Variants in TSC22D1 observed in about 807,000 individuals in gnomAD.
TSC22D1 encodes the protein TSC22 domain family member 1, also known as TSC22 domain family protein 1.
TSC22D1 carries 9 observed loss-of-function variants against 74.2 expected under a neutral mutation model. The observed-to-expected ratio is 0.12, with a 90% confidence interval of 0.07 to 0.21. The LOEUF (loss-of-function observed/expected upper bound fraction) is 0.21. Ranked by LOEUF, TSC22D1 falls within the 10% of genes least tolerant of loss-of-function variation. TSC22D1 has a pLI of 1.00. For synonymous variants in TSC22D1, 586 were observed against 492.5 expected, an observed-to-expected ratio of 1.19 and a Z score of -2.51; for missense variants, 1,427 against 1,304.7, an observed-to-expected ratio of 1.09 and a Z score of -1.44.
intron 1 of TSC22D1, among the ~76,000 whole-genome samples, chr13:44,489,006 T>G (rs557287386): frequency 6.6e-6 from 1 of 152,264 alleles, no homozygotes; most frequent in East Asian, 1.9e-4. Flanking sequence ...TGAAGAGACC[T>G]TCCCAGATAC....
intron 1 of TSC22D1, chr13:44,537,437 A>G (rs1296280378): frequency 1.0e-6 from 1 of 985,108 alleles, no homozygotes; most frequent in East Asian, 1.1e-4. Context: ...TGAGATTAAG[A>G]GATTAAATCA....
intron 1 of TSC22D1, among the ~76,000 whole-genome samples, chr13:44,480,691 G>C (rs1878135768): frequency 6.6e-6 from 1 of 152,136 alleles, no homozygotes; most frequent in Non-Finnish European, 1.5e-5. Flanking sequence ...ATGTTCACAG[G>C]GAAATTGAAG....
At chr13:44,531,742 G>A (rs1367745538) in intron 1 of TSC22D1, among the ~76,000 whole-genome samples, 1 of 152,062 alleles carries the variant, frequency 6.6e-6, no homozygotes, top group Non-Finnish European at 1.5e-5. Flanking sequence ...ATTTGGGGGA[G>A]GAATGATAAA....
At chr13:44,515,049 G>T (rs1363858478) in intron 1 of TSC22D1, among the ~76,000 whole-genome samples, 2 of 152,100 alleles carry the variant, frequency 1.3e-5, no homozygotes, top group East Asian at 3.9e-4. Context: ...GTAATCTGGT[G>T]CAACTCCTAT....
chr13:44,437,403 G>C (rs1338359724), intron 1 of TSC22D1: 1 of 304,142 alleles, frequency 3.3e-6, no homozygotes, highest in Non-Finnish European at 4.8e-6. Flanking sequence ...CTGCAATCAT[G>C]TATTTTTTTA....
At chr13:44,567,968 G>C (rs1595175102) in intron 1 of TSC22D1, among the ~76,000 whole-genome samples, 1 of 147,466 alleles carries the variant, frequency 6.8e-6, no homozygotes, top group African/African-American at 2.7e-5. Context: ...AGGAAGAAAA[G>C]GAAGAAGGAA....
intron 1 of TSC22D1, among the ~76,000 whole-genome samples, chr13:44,454,781 A>T (rs1257103931): frequency 6.6e-6 from 1 of 152,228 alleles, no homozygotes; most frequent in Non-Finnish European, 1.5e-5. Context: ...CAAGGCGCAA[A>T]GGAGTTATGT....
intron 1 of TSC22D1, among the ~76,000 whole-genome samples, chr13:44,440,335 T>C (rs190309284): frequency 2.6e-5 from 4 of 152,114 alleles, no homozygotes; most frequent in East Asian, 1.9e-4. Context: ...TCCCAGCACT[T>C]TGAGAGGGTG....
chr13:44,515,405 T>C (rs561318430), intron 1 of TSC22D1, among the ~76,000 whole-genome samples: 3 of 152,050 alleles, frequency 2.0e-5, no homozygotes, highest in South Asian at 4.2e-4. Context: ...ACAGCATATA[T>C]AGTGTACAAG....
In TSC22D1 at chr13:44,549,515, G is replaced by A. The variant is rs531017164; in HGVS notation, c.2912+23648C>T. On this transcript the variant is annotated intron_variant, in intron 1 of 2. Coordinates refer to ENST00000458659, the MANE Select transcript of TSC22D1 (RefSeq NM_183422.4). ...GGGCTGGGCACAGTGGATCAGGCCT[G>A]TAATCCCAACACATTAGGAGGCTGA... Among the ~76,000 whole-genome samples, 8 of 152,242 alleles carry A rather than the reference G, an allele frequency of 5.3e-5. No homozygotes were observed. In the South Asian group the frequency reaches 1.2e-3, roughly 24 times the overall value.
chr13:44,503,413 C>T (rs760915087), intron 1 of TSC22D1, among the ~76,000 whole-genome samples: 1 of 151,872 alleles, frequency 6.6e-6, no homozygotes, highest in Non-Finnish European at 1.5e-5. Flanking sequence ...GGAATCTACA[C>T]ATTGAGACTA....
rs11692 is a variant in TSC22D1, at chr13:44,433,561, G to C, written c.*1065C>G. On this transcript the variant is annotated 3_prime_UTR_variant, in exon 3 of 3. Coordinates refer to ENST00000458659, the MANE Select transcript of TSC22D1 (RefSeq NM_183422.4). Reference sequence around the variant, plus strand: ...TATGCTTTATTGAAAGTTGACAAGTGCAACAGTTAAATACAGTGACACCTT... The same window carrying C: ...TATGCTTTATTGAAAGTTGACAAGTCCAACAGTTAAATACAGTGACACCTT... 4,001 of 157,550 alleles carry C rather than the reference G, an allele frequency of 0.025. 71 individuals are homozygous for C. The highest frequency in any genetic ancestry group is 0.038 in the Non-Finnish European group (2,745 of 71,860). 9.8% of individuals were successfully genotyped at this position (157,550 alleles called of 1,614,324 possible). A position where few individuals can be genotyped will look rare whatever the true frequency, so the allele number is the denominator to read the frequency against.
chr13:44,435,056 G>T, intron 2 of TSC22D1, 173 bp from the exon 3 acceptor site: 3 of 612,248 alleles, frequency 4.9e-6, no homozygotes, highest in South Asian at 2.0e-5. Flanking sequence ...TACAATACTT[G>T]AGTTTAACGT....
rs1436503302 is a variant in TSC22D1 at position 44,433,935 on chromosome 13, TAC to T, written c.*689_*690del. On this transcript the variant is annotated 3_prime_UTR_variant, in exon 3 of 3. Transcript: ENST00000458659. ...CAATCTGTACAACCTAAATAGTAGTTACAGTCCTCTATTGTACAAAATAGTTA... is the reference window on the plus strand; with the variant it reads ...CAATCTGTACAACCTAAATAGTAGTTAGTCCTCTATTGTACAAAATAGTTA... 6.7e-6 allele frequency: 10 copies of T among 1,494,684 alleles called. No individual in the cohort carries two copies. Among genetic ancestry groups the T allele is most frequent in the African/African-American group, 2.8e-5 (2 of 71,080 alleles). The allele number at this position is 1,494,684 out of a possible 1,614,324, so 92.6% of individuals were successfully genotyped here.
chr13:44,498,812 T>G (rs550040885), intron 1 of TSC22D1, among the ~76,000 whole-genome samples: 9 of 152,330 alleles, frequency 5.9e-5, no homozygotes, highest in African/African-American at 2.2e-4. Flanking sequence ...GCAACTTGTT[T>G]GTGTAATGTT....
At chr13:44,441,356 A>G (rs750825865) in intron 1 of TSC22D1, among the ~76,000 whole-genome samples, 1 of 152,276 alleles carries the variant, frequency 6.6e-6, no homozygotes, top group Non-Finnish European at 1.5e-5. Context: ...GAACAATTAG[A>G]TAAGCTCAAA....
chr13:44,436,999 C>A (rs1475820556), intron 1 of TSC22D1: 1 of 982,558 alleles, frequency 1.0e-6, no homozygotes, highest in Non-Finnish European at 1.2e-6. Flanking sequence ...CCACCTCCGC[C>A]CCCATTCTCC....
chr13:44,441,892 C>T (rs1368172468), intron 1 of TSC22D1, among the ~76,000 whole-genome samples: 1 of 151,960 alleles, frequency 6.6e-6, no homozygotes, highest in Non-Finnish European at 1.5e-5. Flanking sequence ...GGAAACTACC[C>T]GAGGCTGGGG....
Position 44,434,316 on chromosome 13 carries a change from G to C in TSC22D1, c.*310C>G. The C allele has an allele frequency of 1.5e-6, 2 of 1,371,858 alleles. No homozygotes were observed. The highest frequency in any genetic ancestry group is 1.9e-6 in the Non-Finnish European group (2 of 1,072,536). 85.0% of individuals were successfully genotyped at this position (1,371,858 alleles called of 1,614,324 possible). ...GGAAGTGAGGGGTAGGGAGCCGGAA[G>C]GGATGGAAAGGCACACAGCTCCTGA... On this transcript the variant is annotated 3_prime_UTR_variant, in exon 3 of 3. Coordinates refer to ENST00000458659, the MANE Select transcript of TSC22D1 (RefSeq NM_183422.4).
Sources: gnomAD v4.1 joint callset for allele counts (sites outside exome capture counted in the v4.1 genomes callset) on GRCh38, gnomAD v4.1.1 for gene constraint, MANE v1.5 for transcripts, NCBI Gene and HGNC (gene_info 2026-07-23, HGNC 2026-07-21) for gene names.